Variants in PIAS2 observed in about 807,000 individuals in gnomAD.
PIAS2 encodes E3 SUMO-protein ligase PIAS2.
A neutral mutation model predicts 69.7 loss-of-function variants in PIAS2; 19 were observed. The ratio of observed to expected loss-of-function variants is 0.27; its 90% CI spans 0.19 to 0.40. The LOEUF (loss-of-function observed/expected upper bound fraction) is 0.40, where lower values mean the gene tolerates loss of function less well. Among genes scored for constraint, PIAS2 ranks in the 10% least tolerant of loss-of-function variants. The probability of loss-of-function intolerance (pLI) is 1.00; values close to 1 mark genes in which losing one functional copy is unlikely to be tolerated. For missense variants in PIAS2, 624 were observed against 757.0 expected (o/e 0.82, Z 2.06); for synonymous variants, 261 against 263.2 (o/e 0.99, Z 0.08).
chr18:46,819,840 G>A (rs1231124452), intron 12 of PIAS2, among the ~76,000 whole-genome samples: 2 of 152,114 alleles, frequency 1.3e-5, no homozygotes, highest in Non-Finnish European at 2.9e-5. Context: ...GAAGAGTAAA[G>A]GAGGGAAGTT....
intron 2 of PIAS2, among the ~76,000 whole-genome samples, chr18:46,873,442 G>GA (rs1269914982): frequency 6.6e-6 from 1 of 152,074 alleles, no homozygotes; most frequent in Non-Finnish European, 1.5e-5. Flanking sequence ...GTAATTGGGG[G>GA]AAAAAGGAGT....
intron 1 of PIAS2, among the ~76,000 whole-genome samples, chr18:46,913,591 T>TC (rs1245310652): frequency 6.8e-6 from 1 of 147,716 alleles, no homozygotes; most frequent in East Asian, 2.0e-4. Flanking sequence ...CTACAATAGA[T>TC]CCCCCTCCTC....
intron 8 of PIAS2, among the ~76,000 whole-genome samples, chr18:46,841,915 T>G (rs2045449525): frequency 1.3e-5 from 2 of 152,216 alleles, no homozygotes; most frequent in South Asian, 4.1e-4. Context: ...CTAACCTCTC[T>G]GATACACTAC....
At chr18:46,877,751 T>C (rs1668262422) in intron 2 of PIAS2, among the ~76,000 whole-genome samples, 1 of 152,196 alleles carries the variant, frequency 6.6e-6, no homozygotes, top group African/African-American at 2.4e-5. Flanking sequence ...CTTTGTTTGG[T>C]GTGCTCTCGC....
intron 5 of PIAS2, among the ~76,000 whole-genome samples, chr18:46,847,639 A>G (rs1402927341): frequency 6.6e-6 from 1 of 151,922 alleles, no homozygotes; most frequent in African/African-American, 2.4e-5. Flanking sequence ...CTGCCACAAC[A>G]TCCGGCTAAT....
chr18:46,830,973 C>G (rs1199878112), intron 9 of PIAS2, among the ~76,000 whole-genome samples: 4 of 152,088 alleles, frequency 2.6e-5, no homozygotes, highest in Non-Finnish European at 2.9e-5. Context: ...AAATCATGAC[C>G]AAATGGGGTT....
At chr18:46,837,421 C>T (rs2044614088) in intron 8 of PIAS2, among the ~76,000 whole-genome samples, 1 of 152,082 alleles carries the variant, frequency 6.6e-6, no homozygotes, top group Admixed American at 6.5e-5. Context: ...CTACCTATAA[C>T]CTTTTCTCAT....
At chr18:46,875,588 C>T (rs912849638) in intron 2 of PIAS2, among the ~76,000 whole-genome samples, 1 of 152,118 alleles carries the variant, frequency 6.6e-6, no homozygotes, top group African/African-American at 2.4e-5. Flanking sequence ...TATATGGGAT[C>T]CAACACTTTC....
At chr18:46,859,504 T>C (rs2048352279) in intron 3 of PIAS2, among the ~76,000 whole-genome samples, 1 of 149,694 alleles carries the variant, frequency 6.7e-6, no homozygotes, top group South Asian at 2.1e-4. Flanking sequence ...AAGAGTGGCC[T>C]ATCACAAAGA....
intron 2 of PIAS2, among the ~76,000 whole-genome samples, chr18:46,866,916 T>C (rs1177833617): frequency 6.6e-6 from 1 of 152,208 alleles, no homozygotes; most frequent in African/African-American, 2.4e-5. Context: ...TTCACGAATA[T>C]AAATGCCAGT....
intron 2 of PIAS2, among the ~76,000 whole-genome samples, chr18:46,884,314 A>T (rs1028546785): frequency 3.3e-5 from 5 of 151,768 alleles, no homozygotes; most frequent in Admixed American, 2.0e-4. Flanking sequence ...TTATTTATTT[A>T]TTTTTTATTT....
rs555666054 is a variant in PIAS2, at chr18:46,878,758, C to T, written c.499+11822G>A. Among the ~76,000 whole-genome samples the T allele has an allele frequency of 7.0e-4, 106 of 152,328 alleles. 2 individuals are homozygous for T. Among genetic ancestry groups the T allele is most frequent in the African/African-American group, 2.5e-3 (104 of 41,582 alleles). ...TGGCCCATGCCTGTAAGCCCAGCTA[C>T]TCAGGAGACTGCGGTAGCAGAATCA... On this transcript the variant is annotated intron_variant, in intron 2 of 13. Transcript: ENST00000585916.
At chr18:46,817,245 G>T (rs7231374) in intron 12 of PIAS2, 1 of 982,238 alleles carries the variant, frequency 1.0e-6, no homozygotes, top group Non-Finnish European at 1.2e-6. Context: ...TTTTTATAAC[G>T]CTAAGTATTG....
intron 13 of PIAS2, among the ~76,000 whole-genome samples, chr18:46,814,482 G>A (rs2144715086): frequency 6.6e-6 from 1 of 152,172 alleles, no homozygotes; most frequent in South Asian, 2.1e-4. Flanking sequence ...GGTCAACTCC[G>A]AATGATAAGA....
At position 46,820,977 on chromosome 18, in the gene PIAS2, G is replaced by A; in HGVS notation, c.1604C>T (p.Pro535Leu). The change falls in exon 12 of 14, where the codon CCA becomes CTA. Residue 535 changes from proline (P) to leucine (L), a missense_variant. Physicochemically the swap from Pro to Leu is moderately conservative, Grantham distance 98. Around this residue, in one of 3 missense-constraint regions of PIAS2, gnomAD observed 241 missense variants for 257.3 expected, o/e 0.94. Transcript: ENST00000585916. The part of the protein sequence containing the change: ...IPPSLTDYSV[P>L]FHHTPISSMS... ...GCTTGATATTGGCGTATGGTGGAATGGTACTGAGTAGTCTGTTAATGAAGG... is the reference window on the plus strand; with the variant it reads ...GCTTGATATTGGCGTATGGTGGAATAGTACTGAGTAGTCTGTTAATGAAGG... 6.2e-7 allele frequency: 1 copy of A among 1,613,276 alleles called. No individual in the cohort carries two copies. Among genetic ancestry groups the A allele is most frequent in the South Asian group, 1.1e-5 (1 of 91,028 alleles).
chr18:46,855,321 T>A, intron 5 of PIAS2, 24 bp downstream of exon 5: 1 of 1,450,194 alleles, frequency 6.9e-7, no homozygotes, highest in South Asian at 1.2e-5. Context: ...TATATGCAAA[T>A]CTGGTGAATA....
Position 46,890,655 on chromosome 18 carries a change from CAGG to C in PIAS2, c.421_423del (p.Pro141del). The C allele has an allele frequency of 6.2e-7, 1 of 1,614,054 alleles. No individual in the cohort carries two copies. Among genetic ancestry groups the C allele is most frequent in the South Asian group, 1.1e-5 (1 of 91,078 alleles). ...TTTTTTAACTGCACATCAGGATGGA[CAGG>C]AGGAATTGGGGGAGATGGCTGCTGC... On this transcript the variant is annotated inframe_deletion, in exon 2 of 14. Transcript: ENST00000585916.
In PIAS2 at chr18:46,841,294, T is replaced by C. The variant is rs548613351; in HGVS notation, c.1041+2760A>G. 4.7e-4 allele frequency among the ~76,000 whole-genome samples: 71 copies of C among 152,336 alleles called. 1 individual carries two copies. The South Asian group carries it at 0.013, about 29-fold the overall frequency. Reference sequence around the variant, plus strand: ...ATCACTTTACGAAAATACTGTGAAATGTAATAAACATTTATTCTATCACCC... The same window carrying C: ...ATCACTTTACGAAAATACTGTGAAACGTAATAAACATTTATTCTATCACCC... On this transcript the variant is annotated intron_variant, in intron 8 of 13. Coordinates refer to ENST00000585916, the MANE Select transcript of PIAS2 (RefSeq NM_004671.5).
chr18:46,844,925 G>T, intron 6 of PIAS2, 86 bp from the exon 7 acceptor site: 1 of 521,498 alleles, frequency 1.9e-6, no homozygotes, highest in Non-Finnish European at 3.2e-6. Context: ...AGAAACTCTG[G>T]TTTCTAAAAA....
Sources: gnomAD v4.1 joint callset for allele counts (sites outside exome capture counted in the v4.1 genomes callset) on GRCh38, gnomAD v4.1.1 for gene constraint, gnomAD v4.1.1 regional missense constraint, MANE v1.5 for transcripts, NCBI Gene and HGNC (gene_info 2026-07-23, HGNC 2026-07-21) for gene names.